Variants in POTEI observed in about 807,000 individuals in gnomAD.
The protein encoded by POTEI is POTE ankyrin domain family member I, also known as POTE ankyrin domain family, member I.
Under a neutral mutation model 43.4 loss-of-function variants are expected in POTEI, and 14 were observed. The ratio of observed to expected loss-of-function variants is 0.32; its 90% CI spans 0.21 to 0.50. The LOEUF is 0.50. POTEI is among the 20% of genes least tolerant of loss of function. The probability of loss-of-function intolerance (pLI) is 0.98; values close to 1 mark genes in which losing one functional copy is unlikely to be tolerated. For missense variants in POTEI, 235 were observed against 795.4 expected (o/e 0.30, Z 8.47); for synonymous variants, 95 against 297.9 (o/e 0.32, Z 7.01).
rs533173346 is a variant in POTEI, at chr2:130,483,673, C to G, written c.1410-1600G>C. On this transcript the variant is annotated intron_variant, in intron 9 of 14. Coordinates refer to ENST00000451531, the MANE Select transcript of POTEI (RefSeq NM_001277406.2). Reference sequence around the variant, plus strand: ...GCAGTGCAACGATCTCGGCTCACTGCAAGCTCCGCCTCCTGGGTTCATGCC... The same window carrying G: ...GCAGTGCAACGATCTCGGCTCACTGGAAGCTCCGCCTCCTGGGTTCATGCC... 5.7e-5 allele frequency among the ~76,000 whole-genome samples: 8 copies of G among 140,268 alleles called. No homozygotes were observed. In the East Asian group the frequency reaches 1.5e-3, roughly 26 times the overall value. The allele number at this position is 140,268 out of a possible 152,430, so 92.0% of individuals were successfully genotyped here.
intron 10 of POTEI, among the ~76,000 whole-genome samples, chr2:130,479,196 C>T (rs1683309775): frequency 6.8e-6 from 1 of 147,950 alleles, no homozygotes; most frequent in Non-Finnish European, 1.5e-5. Flanking sequence ...TTCCCACTGC[C>T]ACTGGGAACA....
intron 6 of POTEI, among the ~76,000 whole-genome samples, chr2:130,491,295 A>T (rs1683723844): frequency 9.3e-6 from 1 of 107,302 alleles, no homozygotes; most frequent in African/African-American, 3.1e-5. Context: ...AATGCATATT[A>T]TTTGCAAGTT....
At position 130,507,391 on chromosome 2, in the gene POTEI, T is replaced by TATATGTAC. The variant is rs1166034025; in HGVS notation, c.521+1323_521+1324insGTACATAT. ...ATATATGTATATATACATATGTATA[T>TATATGTAC]ATATGTATATATGTGTATATATATG... is the stretch of plus-strand genomic sequence containing the variant. On this transcript the variant is annotated intron_variant, in intron 1 of 14. Coordinates refer to ENST00000451531, the MANE Select transcript of POTEI (RefSeq NM_001277406.2). Among the ~76,000 whole-genome samples the TATATGTAC allele has an allele frequency of 2.0e-3, 32 of 16,330 alleles. 1 individual carries two copies. The highest frequency in any genetic ancestry group is 5.6e-3 in the African/African-American group (31 of 5,494). 10.7% of individuals were successfully genotyped at this position (16,330 alleles called of 152,430 possible).
Position 130,509,009 on chromosome 2 carries a change from C to A in POTEI, c.227G>T (p.Gly76Val). The stretch of plus-strand genomic sequence containing the variant: ...TCCAGAAGTGCCCACGTTGCTCTTG[C>A]CACTCCCCCTGCAGCAGGGGAAGCA... ...CHCFPCCRGS[G>V]KSNVGTSGDH... Residue 76 changes from glycine (G) to valine (V), a missense_variant, in exon 1 of 15, where the codon GGC becomes GTC. Gly to Val is a moderately radical substitution (Grantham distance 109). Coordinates refer to ENST00000451531, the MANE Select transcript of POTEI (RefSeq NM_001277406.2). 2.0e-6 allele frequency: 3 copies of A among 1,518,950 alleles called. No individual in the cohort carries two copies. Among genetic ancestry groups the A allele is most frequent in the Admixed American group, 1.7e-5 (1 of 57,302 alleles). 94.1% of individuals were successfully genotyped at this position (1,518,950 alleles called of 1,614,324 possible).
intron 10 of POTEI, among the ~76,000 whole-genome samples, chr2:130,480,348 C>G (rs1191055782): frequency 6.9e-6 from 1 of 145,194 alleles, no homozygotes; most frequent in African/African-American, 2.6e-5. Context: ...CTTGCCTTAG[C>G]TAAGTATTCA....
chr2:130,483,745 C>T (rs1399288761), intron 9 of POTEI, among the ~76,000 whole-genome samples: 7 of 149,136 alleles, frequency 4.7e-5, no homozygotes, highest in Non-Finnish European at 8.9e-5. Flanking sequence ...CAGGCGCATG[C>T]CACCACACCC....
chr2:130,468,709 G>A (rs1441806334), intron 13 of POTEI, among the ~76,000 whole-genome samples: 2 of 150,760 alleles, frequency 1.3e-5, no homozygotes, highest in African/African-American at 4.9e-5. Context: ...CTATTGGGGG[G>A]GGGGGTATCC....
At chr2:130,466,532 A>AC (rs1369899709) in intron 13 of POTEI, among the ~76,000 whole-genome samples, 3 of 120,912 alleles carry the variant, frequency 2.5e-5, no homozygotes. Context: ...GACAGGGTAT[A>AC]ATATGTTTTT....
intron 9 of POTEI, among the ~76,000 whole-genome samples, chr2:130,483,880 C>T (rs1175224807): frequency 6.6e-6 from 1 of 150,742 alleles, no homozygotes; most frequent in Non-Finnish European, 1.5e-5. Flanking sequence ...CATGCCCGAC[C>T]TACGGCAAAC....
chr2:130,468,925 T>C (rs1168816919), intron 13 of POTEI, among the ~76,000 whole-genome samples: 2 of 151,908 alleles, frequency 1.3e-5, no homozygotes, highest in African/African-American at 2.4e-5. Context: ...ATCACTAGTA[T>C]TGTACAGAGA....
intron 10 of POTEI, among the ~76,000 whole-genome samples, chr2:130,477,460 A>G (rs1252267957): frequency 1.3e-5 from 2 of 150,562 alleles, no homozygotes; most frequent in African/African-American, 4.9e-5. Flanking sequence ...TTTTGAAACA[A>G]TGCTATGTGA....
intron 10 of POTEI, among the ~76,000 whole-genome samples, chr2:130,477,196 A>G (rs1310363489): frequency 2.1e-5 from 3 of 145,710 alleles, no homozygotes; most frequent in Non-Finnish European, 4.5e-5. Context: ...TTCCTCTGTC[A>G]CCAGGCTGGA....
intron 11 of POTEI, among the ~76,000 whole-genome samples, chr2:130,476,249 G>A (rs1297200036): frequency 4.9e-5 from 2 of 41,122 alleles, no homozygotes; most frequent in African/African-American, 1.7e-4. Context: ...CCAGGCTGGA[G>A]TGTAGTGGTG....
chr2:130,492,859 G>A (rs1344813397), intron 6 of POTEI, among the ~76,000 whole-genome samples: 8 of 148,472 alleles, frequency 5.4e-5, no homozygotes, highest in Non-Finnish European at 9.0e-5. Flanking sequence ...ATAAAGCAAA[G>A]AAACCACATT....
chr2:130,467,749 C>T lies in POTEI; in HGVS notation c.1779-1977G>A, dbSNP rs1682885101. On this transcript the variant is annotated intron_variant, in intron 13 of 14. Transcript: ENST00000451531. ...ACTAATATCTATAACCTACAAGAAACTCAAACAAATCAACAGGAAAAACGC... is the reference window on the plus strand; with the variant it reads ...ACTAATATCTATAACCTACAAGAAATTCAAACAAATCAACAGGAAAAACGC... 2.0e-5 allele frequency among the ~76,000 whole-genome samples: 3 copies of T among 152,030 alleles called. No individual in the cohort carries two copies. The South Asian group carries it at 6.2e-4, about 32-fold the overall frequency.
intron 10 of POTEI, among the ~76,000 whole-genome samples, chr2:130,477,385 C>T (rs1176763453): frequency 2.0e-5 from 3 of 148,398 alleles, no homozygotes; most frequent in South Asian, 2.2e-4. Flanking sequence ...CTCCTGACCT[C>T]GTGATCCCCT....
At chr2:130,492,880 C>A (rs1213806793) in intron 6 of POTEI, among the ~76,000 whole-genome samples, 1 of 151,280 alleles carries the variant, frequency 6.6e-6, no homozygotes, top group Non-Finnish European at 1.5e-5. Flanking sequence ...GCGTTTGAGT[C>A]AGCAATCTTT....
chr2:130,477,136 T>A (rs1389424056), intron 10 of POTEI, among the ~76,000 whole-genome samples: 1 of 151,498 alleles, frequency 6.6e-6, no homozygotes, highest in Non-Finnish European at 1.5e-5. Flanking sequence ...TTCTGACAAA[T>A]TTATTTTCTT....
In POTEI at chr2:130,488,685, C is replaced by T. The variant is rs1331928661; in HGVS notation, c.1243-487G>A. Among the ~76,000 whole-genome samples, 4 of 121,726 alleles carry T rather than the reference C, an allele frequency of 3.3e-5. 1 individual carries two copies. Among genetic ancestry groups the T allele is most frequent in the African/African-American group, 1.2e-4 (4 of 32,614 alleles). The allele number at this position is 121,726 out of a possible 152,430, so 79.9% of individuals were successfully genotyped here. ...TTGCCCTTTTCTGCGCTAAGATATT[C>T]TTCTACCCCACTGCCTTTGAGCATT... On this transcript the variant is annotated intron_variant, in intron 8 of 14. Coordinates refer to ENST00000451531, the MANE Select transcript of POTEI (RefSeq NM_001277406.2).
Sources: gnomAD v4.1 joint callset for allele counts (sites outside exome capture counted in the v4.1 genomes callset) on GRCh38, gnomAD v4.1.1 for gene constraint, MANE v1.5 for transcripts, NCBI Gene and HGNC (gene_info 2026-07-23, HGNC 2026-07-21) for gene names.